Variants in COPS9 observed in about 807,000 individuals in gnomAD.
The protein encoded by COPS9 is COP9 signalosome complex subunit 9.
In COPS9, 8 loss-of-function variants were observed where a neutral mutation model predicts 7.2. The ratio of observed to expected loss-of-function variants is 1.11; its 90% CI spans 0.65 to 2.00. The LOEUF (loss-of-function observed/expected upper bound fraction) is 2.00. COPS9 is among the 30% of genes most tolerant of loss of function. The pLI is 0.00. For missense variants in COPS9, 74 were observed against 77.7 expected (o/e 0.95, Z 0.18); for synonymous variants, 39 against 28.7 (o/e 1.36, Z -1.14).
downstream of COPS9, among the ~76,000 whole-genome samples, chr2:240,128,888 G>A (rs1387700525): frequency 6.6e-6 from 1 of 152,232 alleles, no homozygotes; most frequent in Admixed American, 6.5e-5. Flanking sequence ...AGGTCTCCTA[G>A]AGCCCACACA....
chr2:240,128,804 G>A (rs897040830), downstream of COPS9, among the ~76,000 whole-genome samples: 1 of 152,172 alleles, frequency 6.6e-6, no homozygotes, highest in Non-Finnish European at 1.5e-5. Flanking sequence ...CGGAGATGAG[G>A]AAGAAAAACA....
At chr2:240,135,643 T>C (rs1302675989) in intron 1 of COPS9, among the ~76,000 whole-genome samples, 1 of 152,154 alleles carries the variant, frequency 6.6e-6, no homozygotes, top group Non-Finnish European at 1.5e-5. Flanking sequence ...TATAATCCTG[T>C]ATAATTAAAA....
chr2:240,130,253 T>C (rs2071908196), downstream of COPS9, among the ~76,000 whole-genome samples: 1 of 152,076 alleles, frequency 6.6e-6, no homozygotes, highest in Admixed American at 6.6e-5. Flanking sequence ...ACTCTGAAAA[T>C]GGGAACTGCT....
intron 1 of COPS9, 134 bp downstream of exon 1, chr2:240,136,088 A>T (rs1008213686): frequency 7.9e-7 from 1 of 1,265,552 alleles, no homozygotes; most frequent in Non-Finnish European, 1.0e-6. Flanking sequence ...TCCGCGGGGC[A>T]GGGAGCCTGG....
At chr2:240,134,470 G>C (rs2071954260) in intron 1 of COPS9, among the ~76,000 whole-genome samples, 1 of 152,148 alleles carries the variant, frequency 6.6e-6, no homozygotes, top group South Asian at 2.1e-4. Context: ...TGCTATCATG[G>C]ACCGTCCACT....
intron 1 of COPS9, among the ~76,000 whole-genome samples, chr2:240,135,410 G>A (rs2071966183): frequency 6.6e-6 from 1 of 152,140 alleles, no homozygotes; most frequent in Non-Finnish European, 1.5e-5. Flanking sequence ...CAGCCGCTCT[G>A]CCATGCTATT....
chr2:240,127,603 G>C (rs534832277), downstream of COPS9, among the ~76,000 whole-genome samples: 1 of 152,288 alleles, frequency 6.6e-6, no homozygotes, highest in East Asian at 1.9e-4. Context: ...ATTAGGTCAT[G>C]GTGGCAGAGC....
chr2:240,134,113 A>C (rs1403513648), intron 1 of COPS9, 108 bp from the exon 2 acceptor site: 5 of 969,570 alleles, frequency 5.2e-6, no homozygotes, highest in Non-Finnish European at 8.1e-6. Context: ...GGGTGAGGGG[A>C]AACAGGCTCA....
intron 1 of COPS9, 81 bp from the exon 2 acceptor site, chr2:240,134,086 C>T: frequency 1.5e-6 from 2 of 1,316,474 alleles, no homozygotes; most frequent in Admixed American, 3.8e-5. Flanking sequence ...GCCACTACCC[C>T]CACAAAAAAA....
chr2:240,134,055 A>G (rs2071948654), intron 1 of COPS9, 50 bp from the exon 2 acceptor site: 1 of 1,578,126 alleles, frequency 6.3e-7, no homozygotes, highest in Non-Finnish European at 8.7e-7. Context: ...CCGAAAGAAC[A>G]GGTGATAAGT....
intron 2 of COPS9, among the ~76,000 whole-genome samples, chr2:240,133,160 G>A (rs1447992557): frequency 6.6e-6 from 1 of 152,182 alleles, no homozygotes; most frequent in Non-Finnish European, 1.5e-5. Context: ...AGTAACAAGA[G>A]CTTTCTGTAG....
At chr2:240,130,039 A>G (rs773158308), downstream of COPS9, 1 of 1,605,188 alleles carries the variant, frequency 6.2e-7, no homozygotes, top group Non-Finnish European at 8.5e-7. Context: ...CTGAGCCCCA[A>G]CAAAGGACAG....
At chr2:240,127,963 C>T (rs2071883771), downstream of COPS9, among the ~76,000 whole-genome samples, 1 of 152,098 alleles carries the variant, frequency 6.6e-6, no homozygotes, top group African/African-American at 2.4e-5. Flanking sequence ...CACCCAGGAA[C>T]CATTAAAACC....
At chr2:240,130,447 C>A (rs768482519), downstream of COPS9, among the ~76,000 whole-genome samples, 12 of 152,200 alleles carry the variant, frequency 7.9e-5, no homozygotes, top group Non-Finnish European at 1.2e-4. Context: ...TGCATTTCCA[C>A]GTAGAAGGCG....
In COPS9 at chr2:240,132,699, C is replaced by A. The variant is rs1295926093; in HGVS notation, c.136+1234G>T. 1.3e-5 allele frequency among the ~76,000 whole-genome samples: 2 copies of A among 152,186 alleles called. No individual in the cohort carries two copies. Among genetic ancestry groups the A allele is most frequent in the African/African-American group, 4.8e-5 (2 of 41,442 alleles). On this transcript the variant is annotated intron_variant, in intron 2 of 2. Coordinates refer to ENST00000607357, the MANE Select transcript of COPS9 (RefSeq NM_001163424.2). The surrounding 1 kb of genome is among the most constrained non-coding windows in gnomAD (Gnocchi z 4.1). ...TAAATGGGACTTTGAAGGAGATCAT[C>A]AAAATGCAAGCGTGTGGTGCCAGCA... is the stretch of plus-strand genomic sequence containing the variant.
At position 240,132,458 on chromosome 2, in the gene COPS9, C is replaced by A. The variant is rs1193549250; in HGVS notation, c.137-1370G>T. Among the ~76,000 whole-genome samples, 1 of 152,124 alleles carries A rather than the reference C, an allele frequency of 6.6e-6. No individual in the cohort carries two copies. Among genetic ancestry groups the A allele is most frequent in the African/African-American group, 2.4e-5 (1 of 41,436 alleles). ...ACTTAGTGGGTGGGCAGGCAGGGGACACAGAGCTCTCCTGCGTCCCCTCCC... is the reference window on the plus strand; with the variant it reads ...ACTTAGTGGGTGGGCAGGCAGGGGAAACAGAGCTCTCCTGCGTCCCCTCCC... On this transcript the variant is annotated intron_variant, in intron 2 of 2. Transcript: ENST00000607357. This position sits in a 1 kb window ranked among gnomAD's most constrained non-coding sequence, Gnocchi z 4.1.
At chr2:240,135,903 A>G (rs1441255156) in intron 1 of COPS9, 6 of 395,086 alleles carry the variant, frequency 1.5e-5, no homozygotes, top group Non-Finnish European at 2.2e-5. Context: ...CAGCCATCGA[A>G]GAGCAGCAAA....
Position 240,133,993 on chromosome 2 carries a change from T to A in COPS9, c.76A>T (p.Thr26Ser). 3 of 1,614,144 alleles carry A rather than the reference T, an allele frequency of 1.9e-6. No individual in the cohort carries two copies. Among genetic ancestry groups the A allele is most frequent in the African/African-American group, 2.7e-5 (2 of 75,010 alleles). The change falls in exon 2 of 3, where the codon ACC (threonine) becomes TCC (serine). Residue 26 changes from threonine to serine, a missense_variant. Coordinates refer to ENST00000607357, the MANE Select transcript of COPS9 (RefSeq NM_001163424.2). ...GCTGCCAAGTCCATCAAGAGCCCGG[T>A]GCTGCCTCCCGCCTGGGGAATGGAA... ...YVDLDEAGGS[T>S]GLLMDLAANE...
At position 240,132,589 on chromosome 2, in the gene COPS9, A is replaced by G. The variant is rs2071934195; in HGVS notation, c.136+1344T>C. Among the ~76,000 whole-genome samples the G allele has an allele frequency of 6.6e-6, 1 of 152,240 alleles. No homozygotes were observed. The highest frequency in any genetic ancestry group is 2.4e-5 in the African/African-American group (1 of 41,460). On this transcript the variant is annotated intron_variant, in intron 2 of 2. Coordinates refer to ENST00000607357, the MANE Select transcript of COPS9 (RefSeq NM_001163424.2). This position sits in a 1 kb window ranked among gnomAD's most constrained non-coding sequence, Gnocchi z 4.1. ...TCCCTCTCAGAGATGCTTTCCCGTC[A>G]GGATTCAAGGGCTGACTCTGGAAGT...
Sources: gnomAD v4.1 joint callset for allele counts (sites outside exome capture counted in the v4.1 genomes callset) on GRCh38, gnomAD v4.1.1 for gene constraint, Gnocchi (gnomAD v3.1) non-coding constraint, MANE v1.5 for transcripts, NCBI Gene and HGNC (gene_info 2026-07-23, HGNC 2026-07-21) for gene names.